KRT28: variants seen among roughly 807,000 people sequenced by gnomAD.
The protein encoded by KRT28 is keratin, type I cytoskeletal 28.
A neutral mutation model predicts 48.1 loss-of-function variants in KRT28; 45 were observed. The observed-to-expected ratio is 0.94, with a 90% CI of 0.74 to 1.20. The LOEUF (loss-of-function observed/expected upper bound fraction) is 1.20. Ranked by LOEUF, KRT28 falls within the 50% of genes most tolerant of loss-of-function variation. The probability of loss-of-function intolerance (pLI) is 0.00; values close to 1 mark genes in which losing one functional copy is unlikely to be tolerated. For synonymous variants in KRT28, 228 were observed against 227.4 expected, an observed-to-expected ratio of 1.00 and a Z score of -0.03; for missense variants, 571 against 574.1, an observed-to-expected ratio of 0.99 and a Z score of 0.06.
Position 40,798,247 on chromosome 17 carries a change from CT to C in KRT28, c.677del (p.Lys226ArgfsTer7), listed in dbSNP as rs776819085. The C allele has an allele frequency of 1.9e-6, 3 of 1,604,036 alleles. No homozygotes were observed. Among genetic ancestry groups the C allele is most frequent in the Admixed American group, 1.7e-5 (1 of 59,846 alleles). ...SLSEEMTYLK[K>X]NHEEEMKALQ... is the part of the protein sequence containing the mutation. ...AAGCTTCTCCTACCTCTTCGTGGTTCTTTTTGAGATATGTCATCTCCTCACT... is the reference window on the plus strand; with the variant it reads ...AAGCTTCTCCTACCTCTTCGTGGTTCTTTTGAGATATGTCATCTCCTCACT... On this transcript the variant is annotated frameshift_variant, in exon 3 of 8. Coordinates refer to ENST00000306658, the MANE Select transcript of KRT28 (RefSeq NM_181535.3). LOFTEE classifies it high-confidence loss of function.
rs1433542157 is a variant in KRT28, at chr17:40,798,332, C to T, written c.593G>A (p.Arg198Gln). The T allele has an allele frequency of 2.5e-6, 4 of 1,613,170 alleles. No individual in the cohort carries two copies. Among genetic ancestry groups the T allele is most frequent in the African/African-American group, 1.3e-5 (1 of 75,014 alleles). Residue 198 changes from arginine to glutamine, a missense_variant, in exon 3 of 8, where the codon CGA becomes CAA. Physicochemically the swap from Arg to Gln is conservative, Grantham distance 43. Transcript: ENST00000306658. ...GCAGAGCGTCAGCTCGTCCAGGACTCGCCGTAATCCGTTGATGTCGGCCTC... is the reference window on the plus strand; with the variant it reads ...GCAGAGCGTCAGCTCGTCCAGGACTTGCCGTAATCCGTTGATGTCGGCCTC... The part of the protein sequence containing the change: ...NVEADINGLR[R>Q]VLDELTLCRT...
At chr17:40,796,535 T>C (rs561118789) in intron 5 of KRT28, among the ~76,000 whole-genome samples, 43 of 152,220 alleles carry the variant, frequency 2.8e-4, no homozygotes, top group Non-Finnish European at 5.3e-4. Flanking sequence ...GGTGTGATGC[T>C]GGCTCCCTGC....
At position 40,799,475 on chromosome 17, in the gene KRT28, T is replaced by C. The variant is rs374450693; in HGVS notation, c.419A>G (p.Tyr140Cys). 6.6e-5 allele frequency: 106 copies of C among 1,610,606 alleles called. No homozygotes were observed. Among genetic ancestry groups the C allele is most frequent in the Non-Finnish European group, 8.7e-5 (103 of 1,177,448 alleles). ...CRGLDHDYSR[Y>C]HLTIEDLKNK... Reference sequence around the variant, plus strand: ...CTTAAGATCCTCAATTGTTAGGTGATATCTGCTATAGTCATGATCAAGTCC... The same window carrying C: ...CTTAAGATCCTCAATTGTTAGGTGACATCTGCTATAGTCATGATCAAGTCC... The change falls in exon 1 of 8, where the codon TAT becomes TGT. Residue 140 changes from tyrosine (Y) to cysteine (C), a missense_variant. Physicochemically the swap from Tyr to Cys is radical, Grantham distance 194. Coordinates refer to ENST00000306658, the MANE Select transcript of KRT28 (RefSeq NM_181535.3).
chr17:40,792,377 G>A lies in KRT28; in HGVS notation c.*50C>T, dbSNP rs999187919. 2 of 1,447,698 alleles carry A rather than the reference G, an allele frequency of 1.4e-6. No individual in the cohort carries two copies. Among genetic ancestry groups the A allele is most frequent in the African/African-American group, 1.4e-5 (1 of 70,512 alleles). 89.7% of individuals were successfully genotyped at this position (1,447,698 alleles called of 1,614,324 possible). ...TATTCTCTCTGATATTTAGAATAAT[G>A]CAATTGTACAGGATCCTTTCCCAAA... On this transcript the variant is annotated 3_prime_UTR_variant, in exon 8 of 8. Coordinates refer to ENST00000306658, the MANE Select transcript of KRT28 (RefSeq NM_181535.3).
chr17:40,797,022 T>C lies in KRT28; in HGVS notation c.872A>G (p.Gln291Arg). 1 of 1,612,530 alleles carries C rather than the reference T, an allele frequency of 6.2e-7. No individual in the cohort carries two copies. The highest frequency in any genetic ancestry group is 8.5e-7 in the Non-Finnish European group (1 of 1,179,276). ...FNEKSASLQQ[Q>R]ISHDSGAATF... The stretch of plus-strand genomic sequence containing the variant: ...GGCTGCGCCTGAGTCGTGGGAGATC[T>C]GTTGCTGCAGCGAGGCGCTCTGTAG... Residue 291 changes from glutamine to arginine, a missense_variant, in exon 5 of 8, where the codon CAG becomes CGG. Transcript: ENST00000306658.
intron 6 of KRT28, 98 bp from the exon 7 acceptor site, chr17:40,793,308 G>A (rs2143066402): frequency 1.4e-6 from 1 of 710,510 alleles, no homozygotes; most frequent in Admixed American, 3.8e-5. Context: ...GCCAAAAACA[G>A]GTCTTAGTTT....
Position 40,797,168 on chromosome 17 carries a change from G to T in KRT28, c.804C>A (p.Ala268=). The change falls in exon 4 of 8, where the codon GCC becomes GCA. Residue 268 remains alanine (A), a synonymous_variant. Coordinates refer to ENST00000306658, the MANE Select transcript of KRT28 (RefSeq NM_181535.3). ...CGTCCTTGCGGTTCTGCTCTGCAAGGGCTTCGTACTCCGCTCGCATGTTGT... is the reference window on the plus strand; with the variant it reads ...CGTCCTTGCGGTTCTGCTCTGCAAGTGCTTCGTACTCCGCTCGCATGTTGT... ...LLNNMRAEYE[A]LAEQNRKDAE... is the part of the protein sequence containing the mutation. The T allele has an allele frequency of 6.2e-7, 1 of 1,614,136 alleles. No homozygotes were observed. The highest frequency in any genetic ancestry group is 8.5e-7 in the Non-Finnish European group (1 of 1,180,028).
chr17:40,796,027 G>T (rs1214966797), intron 5 of KRT28, among the ~76,000 whole-genome samples: 2 of 152,172 alleles, frequency 1.3e-5, no homozygotes, highest in East Asian at 3.9e-4. Context: ...ATCTAAATCC[G>T]ATATAGGGAG....
chr17:40,799,312 T>C lies in KRT28; in HGVS notation c.450+132A>G, dbSNP rs896705990. The C allele has an allele frequency of 3.9e-6, 3 of 769,134 alleles. No individual in the cohort carries two copies. The South Asian group carries it at 6.4e-5, about 16-fold the overall frequency. 47.6% of individuals were successfully genotyped at this position (769,134 alleles called of 1,614,324 possible). ...AATCAAAGGGCCCATTTTTGAATAG[T>C]AGGAAGAATTGTTTATCTAAATAAA... On this transcript the variant is annotated intron_variant, in intron 1 of 7. Transcript: ENST00000306658.
At chr17:40,793,117 G>T (rs767774331) in intron 7 of KRT28, 38 bp downstream of exon 7, 24 of 1,384,870 alleles carry the variant, frequency 1.7e-5, no homozygotes, top group Non-Finnish European at 2.3e-5. Flanking sequence ...TTTAAAAAAA[G>T]AAAAGAAAAG....
intron 5 of KRT28, 141 bp from the exon 6 acceptor site, chr17:40,794,187 A>ATG (rs1904558584): frequency 2.0e-6 from 2 of 1,020,262 alleles, no homozygotes; most frequent in Non-Finnish European, 1.4e-6. Context: ...TGGGAAAGAA[A>ATG]GGAGGCTGGC....
chr17:40,799,598 G>A lies in KRT28; in HGVS notation c.296C>T (p.Ser99Phe), dbSNP rs1904701718. The change falls in exon 1 of 8, where the codon TCC (serine) becomes TTC (phenylalanine). Residue 99 changes from serine (S) to phenylalanine (F), a missense_variant. Physicochemically the swap from Ser to Phe is radical, Grantham distance 155. Coordinates refer to ENST00000306658, the MANE Select transcript of KRT28 (RefSeq NM_181535.3). ...TMQNLNDRLA[S>F]YLDNVRALEE... Reference sequence around the variant, plus strand: ...CAGAGCTCGCACATTATCCAGGTAGGATGCCAAGCGGTCATTAAGATTTTG... The same window carrying A: ...CAGAGCTCGCACATTATCCAGGTAGAATGCCAAGCGGTCATTAAGATTTTG... 1 of 1,614,098 alleles carries A rather than the reference G, an allele frequency of 6.2e-7. No individual in the cohort carries two copies.
Position 40,798,337 on chromosome 17 carries a change from T to G in KRT28, c.588A>C (p.Leu196Phe). ...GCGTCAGCTCGTCCAGGACTCGCCG[T>G]AATCCGTTGATGTCGGCCTCTACGT... is the stretch of plus-strand genomic sequence containing the variant. Reference protein sequence around the residue: ...HQNVEADINGLRRVLDELTLC... With the variant: ...HQNVEADINGFRRVLDELTLC... Residue 196 changes from leucine to phenylalanine, a missense_variant, in exon 3 of 8, where the codon TTA becomes TTC. By Grantham distance (22) the Leu-to-Phe change is conservative. Transcript: ENST00000306658. 6.2e-7 allele frequency: 1 copy of G among 1,613,302 alleles called. No individual in the cohort carries two copies. The highest frequency in any genetic ancestry group is 8.5e-7 in the Non-Finnish European group (1 of 1,179,514).
intron 5 of KRT28, among the ~76,000 whole-genome samples, chr17:40,795,991 C>T (rs1904604435): frequency 1.3e-5 from 2 of 152,050 alleles, no homozygotes; most frequent in South Asian, 4.1e-4. Context: ...AAGTTAGGGG[C>T]CAGTCAGTGT....
Position 40,799,744 on chromosome 17 carries a change from T to A in KRT28, c.150A>T (p.Gly50=). The A allele has an allele frequency of 1.2e-6, 2 of 1,611,742 alleles. No homozygotes were observed. Among genetic ancestry groups the A allele is most frequent in the Non-Finnish European group, 1.7e-6 (2 of 1,179,136 alleles). ...VAGSEFSCAL[G]GGLGSVPGGS... ...CACCAGGAACACTGCCCAAGCCCCC[T>A]CCCAAGGCACAGGAAAATTCACTTC... The change falls in exon 1 of 8, where the codon GGA becomes GGT. Residue 50 remains glycine (G), a synonymous_variant. Coordinates refer to ENST00000306658, the MANE Select transcript of KRT28 (RefSeq NM_181535.3).
Position 40,796,912 on chromosome 17 carries a change from C to T in KRT28, c.978+4G>A. 1 of 1,593,112 alleles carries T rather than the reference C, an allele frequency of 6.3e-7. No homozygotes were observed. The highest frequency in any genetic ancestry group is 8.5e-7 in the Non-Finnish European group (1 of 1,171,456). On this transcript the variant is annotated splice_donor_region_variant and intron_variant, in intron 5 of 7. Transcript: ENST00000306658. ...GATCCAGGCTGACCTTCGCTGTCACCTACCGTGGCCATCAGGGACTGCAGC... is the reference window on the plus strand; with the variant it reads ...GATCCAGGCTGACCTTCGCTGTCACTTACCGTGGCCATCAGGGACTGCAGC...
chr17:40,798,220 T>TAA lies in KRT28; in HGVS notation c.690+13_690+14dup. The TAA allele has an allele frequency of 6.3e-7, 1 of 1,594,040 alleles. No individual in the cohort carries two copies. Among genetic ancestry groups the TAA allele is most frequent in the African/African-American group, 1.3e-5 (1 of 74,724 alleles). ...TACAGAGTTGTGATTGGACTACAGG[T>TAA]AAAGCTTCTCCTACCTCTTCGTGGT... is the stretch of plus-strand genomic sequence containing the variant. On this transcript the variant is annotated intron_variant, in intron 3 of 7. Transcript: ENST00000306658.
In KRT28 at chr17:40,799,534, A is replaced by C; in HGVS notation, c.360T>G (p.Gly120=). ...ATCCAGGTCCGTATTTTTCATACCA[A>C]CCCTTGATTTTTCTCTCTAATTCAG... is the stretch of plus-strand genomic sequence containing the variant. ...ANAELERKIK[G]WYEKYGPGSC... Residue 120 remains glycine (G), a synonymous_variant, in exon 1 of 8, where the codon GGT becomes GGG. Transcript: ENST00000306658. 1 of 1,614,092 alleles carries C rather than the reference A, an allele frequency of 6.2e-7. No homozygotes were observed. The highest frequency in any genetic ancestry group is 8.5e-7 in the Non-Finnish European group (1 of 1,180,004).
Position 40,797,293 on chromosome 17 carries a change from C to A in KRT28, c.691-12G>T. The A allele has an allele frequency of 6.2e-7, 1 of 1,609,808 alleles. No homozygotes were observed. Among genetic ancestry groups the A allele is most frequent in the South Asian group, 1.1e-5 (1 of 90,340 alleles). On this transcript the variant is annotated splice_polypyrimidine_tract_variant and intron_variant, in intron 3 of 7. Coordinates refer to ENST00000306658, the MANE Select transcript of KRT28 (RefSeq NM_181535.3). ...AGAGCCTTCATCTCCTGGAGAGAAGCAAGAGTGTGGCTTTAGGGGCATTGC... is the reference window on the plus strand; with the variant it reads ...AGAGCCTTCATCTCCTGGAGAGAAGAAAGAGTGTGGCTTTAGGGGCATTGC...
Sources: gnomAD v4.1 joint callset for allele counts (sites outside exome capture counted in the v4.1 genomes callset) on GRCh38, gnomAD v4.1.1 for gene constraint, MANE v1.5 for transcripts, NCBI Gene and HGNC (gene_info 2026-07-23, HGNC 2026-07-21) for gene names.